HIVEP3: variants seen among roughly 807,000 people sequenced by gnomAD.
The protein encoded by HIVEP3 is transcription factor HIVEP3.
In HIVEP3, 49 loss-of-function variants were observed where a neutral mutation model predicts 152.8. The ratio of observed to expected loss-of-function variants is 0.32; its 90% CI spans 0.26 to 0.41. HIVEP3 has a LOEUF of 0.41. Ranked by LOEUF, HIVEP3 falls within the 10% of genes least tolerant of loss-of-function variation. The pLI, the probability that HIVEP3 is intolerant of heterozygous loss-of-function variation, is 1.00. For missense variants in HIVEP3, 2,790 were observed against 3,103.3 expected (o/e 0.90, Z 2.40); for synonymous variants, 1,269 against 1,289.0 (o/e 0.98, Z 0.33).
chr1:41,688,607 T>A (rs769752500), intron 2 of HIVEP3, among the ~76,000 whole-genome samples: 1 of 152,180 alleles, frequency 6.6e-6, no homozygotes, highest in Non-Finnish European at 1.5e-5. Flanking sequence ...TTTTTTCTAA[T>A]CATTGTTCTA....
chr1:41,910,899 G>A (rs752789223), intron 1 of HIVEP3, among the ~76,000 whole-genome samples: 17 of 152,108 alleles, frequency 1.1e-4, no homozygotes, highest in Non-Finnish European at 1.9e-4. Flanking sequence ...AAGGGAAAAC[G>A]TTGAACATGA....
intron 1 of HIVEP3, among the ~76,000 whole-genome samples, chr1:41,801,780 G>A (rs769362931): frequency 6.6e-6 from 1 of 152,080 alleles, no homozygotes; most frequent in Non-Finnish European, 1.5e-5. Context: ...AATGCCCCTA[G>A]GGGTCCAGGA....
chr1:42,004,510 C>G (rs1645447161), intron 1 of HIVEP3, among the ~76,000 whole-genome samples: 1 of 152,110 alleles, frequency 6.6e-6, no homozygotes, highest in African/African-American at 2.4e-5. Context: ...ACTATTGCAT[C>G]ATGGGGCCAG....
intron 2 of HIVEP3, among the ~76,000 whole-genome samples, chr1:41,697,256 C>T (rs1011315102): frequency 3.9e-5 from 6 of 152,280 alleles, no homozygotes; most frequent in African/African-American, 1.4e-4. Flanking sequence ...AGCCATAGAG[C>T]CAAATCCCAA....
intron 1 of HIVEP3, among the ~76,000 whole-genome samples, chr1:41,899,788 A>G (rs1435863166): frequency 2.0e-5 from 3 of 152,200 alleles, no homozygotes; most frequent in Non-Finnish European, 4.4e-5. Flanking sequence ...ATGAAGTACT[A>G]TTATTACCCC....
At chr1:41,774,720 C>T (rs539812356) in intron 1 of HIVEP3, among the ~76,000 whole-genome samples, 70 of 152,058 alleles carry the variant, frequency 4.6e-4, no homozygotes, top group Non-Finnish European at 8.8e-4. Context: ...ATCACTGCTT[C>T]TAATTAAAGT....
intron 2 of HIVEP3, among the ~76,000 whole-genome samples, chr1:41,687,784 A>G (rs28463445): frequency 6.6e-6 from 1 of 152,200 alleles, no homozygotes; most frequent in Non-Finnish European, 1.5e-5. Flanking sequence ...CAATTCCCAT[A>G]TCTGTCAGTG....
intron 1 of HIVEP3, among the ~76,000 whole-genome samples, chr1:41,881,121 T>A (rs889639107): frequency 6.6e-6 from 1 of 152,204 alleles, no homozygotes; most frequent in Non-Finnish European, 1.5e-5. Flanking sequence ...ATGATCGTTA[T>A]GGTGGTGATG....
intron 2 of HIVEP3, among the ~76,000 whole-genome samples, chr1:41,675,989 A>G (rs2124080172): frequency 6.6e-6 from 1 of 152,178 alleles, no homozygotes; most frequent in South Asian, 2.1e-4. Context: ...TGGCCGGGCA[A>G]CATCTAATGC....
upstream of HIVEP3, among the ~76,000 whole-genome samples, chr1:41,921,931 ACACACACACCACATG>A (rs1644944057): frequency 6.6e-6 from 1 of 151,758 alleles, no homozygotes; most frequent in Admixed American, 6.6e-5. Context: ...CACACCACAC[ACACACACACCACATG>A]CACACAAAAG....
chr1:41,832,086 T>G (rs1642980754), intron 1 of HIVEP3, among the ~76,000 whole-genome samples: 1 of 152,250 alleles, frequency 6.6e-6, no homozygotes, highest in Admixed American at 6.5e-5. Context: ...CCTCGAGATC[T>G]GCATTTCTAA....
intron 5 of HIVEP3, among the ~76,000 whole-genome samples, chr1:41,541,759 C>A (rs1221350862): frequency 1.3e-5 from 2 of 152,308 alleles, no homozygotes; most frequent in East Asian, 3.9e-4. Context: ...GGTTACTTAA[C>A]CTCTCTGTGC....
At chr1:41,804,907 A>AT (rs1372440538) in intron 1 of HIVEP3, among the ~76,000 whole-genome samples, 2 of 152,212 alleles carry the variant, frequency 1.3e-5, no homozygotes, top group Non-Finnish European at 2.9e-5. Context: ...CAGGAAAAAA[A>AT]ATATATACTC....
intron 3 of HIVEP3, among the ~76,000 whole-genome samples, chr1:41,627,853 A>G (rs1474240405): frequency 6.6e-6 from 1 of 152,078 alleles, no homozygotes; most frequent in Non-Finnish European, 1.5e-5. Flanking sequence ...GGGCACAGGT[A>G]GGCCAGAGAA....
intron 3 of HIVEP3, among the ~76,000 whole-genome samples, chr1:41,590,249 G>A (rs559052856): frequency 7.2e-4 from 110 of 152,358 alleles, no homozygotes; most frequent in Non-Finnish European, 5.9e-5. Context: ...GGTCAAGGCG[G>A]AGCTCTGGCT....
chr1:41,994,475 A>C (rs1275913576), intron 1 of HIVEP3, among the ~76,000 whole-genome samples: 1 of 152,196 alleles, frequency 6.6e-6, no homozygotes, highest in Non-Finnish European at 1.5e-5. Flanking sequence ...TCATGGGAAC[A>C]GGTTTCCCCC....
At chr1:41,811,758 A>G (rs749589416) in intron 1 of HIVEP3, among the ~76,000 whole-genome samples, 1 of 152,112 alleles carries the variant, frequency 6.6e-6, no homozygotes, top group African/African-American at 2.4e-5. Flanking sequence ...GCATAAAGTC[A>G]GGAAAAGGTT....
At chr1:41,938,594 A>C (rs1333531721) in intron 1 of HIVEP3, among the ~76,000 whole-genome samples, 2 of 152,216 alleles carry the variant, frequency 1.3e-5, no homozygotes, top group African/African-American at 4.8e-5. Flanking sequence ...GAGCAAGTCC[A>C]GAATGGAAGG....
intron 2 of HIVEP3, among the ~76,000 whole-genome samples, chr1:41,682,393 T>A (rs1256019777): frequency 6.6e-6 from 1 of 152,118 alleles, no homozygotes; most frequent in Non-Finnish European, 1.5e-5. Flanking sequence ...GCACCAAGCC[T>A]GATTCTTCCC....
Sources: gnomAD v4.1 joint callset for allele counts (sites outside exome capture counted in the v4.1 genomes callset) on GRCh38, gnomAD v4.1.1 for gene constraint, MANE v1.5 for transcripts, NCBI Gene and HGNC (gene_info 2026-07-23, HGNC 2026-07-21) for gene names.